The following SCML1 variants were observed in gnomAD, a reference collection of about 807,000 sequenced individuals.
The protein encoded by SCML1 is Scm polycomb group protein like 1, also known as sex comb on midleg-like protein 1.
For synonymous variants in SCML1, 104 were observed against 103.6 expected (o/e 1.00, Z -0.02); for missense variants, 137 against 258.1 (o/e 0.53, Z 3.22).
chrX:17,739,235 A>C (rs917984179), intron 1 of SCML1, among the ~76,000 whole-genome samples: 1 of 112,179 alleles, frequency 8.9e-6, no homozygotes, highest in Non-Finnish European at 1.9e-5. Context: ...ACTCATTTTT[A>C]CGGGATTTGA....
chrX:17,745,598 T>C, intron 3 of SCML1, 59 bp downstream of exon 3: 3 of 677,167 alleles, frequency 4.4e-6, no homozygotes, highest in South Asian at 5.3e-5. Flanking sequence ...GGAAAAGATG[T>C]AAATTCCTCG....
At position 17,750,261 on chromosome X, in the gene SCML1, C is replaced by T. The variant is rs770739655; in HGVS notation, c.671C>T (p.Ser224Leu). ...PRADSIHNTY[S>L]TDHASAAPPS... ...GCTGACAGCATCCACAACACTTACT[C>T]AACTGACCATGCTTCTGCAGCACCA... The change falls in exon 6 of 8, where the codon TCA becomes TTA. Residue 224 changes from serine (S) to leucine (L), a missense_variant. Transcript: ENST00000380041. 4 of 1,208,901 alleles carry T rather than the reference C, an allele frequency of 3.3e-6. No homozygotes were observed. The highest frequency in any genetic ancestry group is 4.5e-6 in the Non-Finnish European group (4 of 893,665).
chrX:17,746,286 T>C (rs2066641525), intron 4 of SCML1, among the ~76,000 whole-genome samples, 188 bp downstream of exon 4: 1 of 112,653 alleles, frequency 8.9e-6, no homozygotes, highest in African/African-American at 3.2e-5. Context: ...AATAGCAACA[T>C]GTAGATTTAA....
At chrX:17,742,133 T>G (rs1031457591) in intron 1 of SCML1, among the ~76,000 whole-genome samples, 2 of 108,712 alleles carry the variant, frequency 1.8e-5, no homozygotes, top group African/African-American at 7.0e-5. Context: ...ACCCAGAGAG[T>G]TTTTTTTATA....
At chrX:17,742,857 CTCTT>C (rs771012608) in intron 1 of SCML1, among the ~76,000 whole-genome samples, 83 of 112,237 alleles carry the variant, frequency 7.4e-4, no homozygotes, top group African/African-American at 2.6e-3. Context: ...TTTGGAAAGA[CTCTT>C]TCCACCACAG....
rs185974021 is a variant in SCML1, at chrX:17,753,744, G to A, written c.*352G>A. 1 of 111,452 alleles carries A rather than the reference G, an allele frequency of 9.0e-6. No individual in the cohort carries two copies. Among genetic ancestry groups the A allele is most frequent in the Admixed American group, 9.6e-5 (1 of 10,411 alleles). The allele number at this position is 111,452 out of a possible 1,213,427, so 9.2% of individuals were successfully genotyped here. On this transcript the variant is annotated 3_prime_UTR_variant, in exon 8 of 8. Transcript: ENST00000380041. The stretch of plus-strand genomic sequence containing the variant: ...ACAGAGAACCAAAACAGCTAAGAGA[G>A]GTATTATCAGGGTTGACAACTCCTA...
chrX:17,753,535 C>G lies in SCML1; in HGVS notation c.*143C>G. The G allele has an allele frequency of 2.5e-6, 1 of 399,012 alleles. No individual in the cohort carries two copies. Among genetic ancestry groups the G allele is most frequent in the Non-Finnish European group, 4.0e-6 (1 of 248,397 alleles). 32.9% of individuals were successfully genotyped at this position (399,012 alleles called of 1,213,427 possible). A position where few individuals can be genotyped will look rare whatever the true frequency, so the allele number is the denominator to read the frequency against. ...ATATATTATAGCTAGAATTGTAGAA[C>G]TATGTTATAGTCCAGTCTACTTCTT... On this transcript the variant is annotated 3_prime_UTR_variant, in exon 8 of 8. Coordinates refer to ENST00000380041, the MANE Select transcript of SCML1 (RefSeq NM_001037540.3).
chrX:17,749,235 G>A (rs984991619), intron 4 of SCML1, among the ~76,000 whole-genome samples, 165 bp from the exon 5 acceptor site: 5 of 112,295 alleles, frequency 4.5e-5, no homozygotes, highest in Non-Finnish European at 9.4e-5. Flanking sequence ...GTCACCTACA[G>A]CCAGGCCTTG....
At chrX:17,744,785 A>G (rs751151196) in intron 2 of SCML1, 2 of 112,163 alleles carry the variant, frequency 1.8e-5, no homozygotes, top group African/African-American at 6.5e-5. Flanking sequence ...TTTGAAAAGC[A>G]TAAGGCACTA....
intron 6 of SCML1, 66 bp from the exon 7 acceptor site, chrX:17,751,749 C>T (rs2066709525): frequency 3.6e-6 from 4 of 1,097,040 alleles, no homozygotes; most frequent in Middle Eastern, 5.0e-4. Flanking sequence ...AACATCTCTT[C>T]TTTCAGGATA....
rs1008067362 is a variant in SCML1 at position 17,753,606 on chromosome X, A to G, written c.*214A>G. ...AGATAGTATTAGAATAGTCCAATAG[A>G]AAATTCATTCTTTATAGGTCTTTAA... is the stretch of plus-strand genomic sequence containing the variant. On this transcript the variant is annotated 3_prime_UTR_variant, in exon 8 of 8. Coordinates refer to ENST00000380041, the MANE Select transcript of SCML1 (RefSeq NM_001037540.3). The G allele has an allele frequency of 4.4e-6, 1 of 228,613 alleles. No homozygotes were observed. Among genetic ancestry groups the G allele is most frequent in the African/African-American group, 2.9e-5 (1 of 34,628 alleles). 18.8% of individuals were successfully genotyped at this position (228,613 alleles called of 1,213,427 possible).
At chrX:17,739,237 G>C (rs2066570334) in intron 1 of SCML1, among the ~76,000 whole-genome samples, 1 of 111,941 alleles carries the variant, frequency 8.9e-6, no homozygotes, top group African/African-American at 3.3e-5. Context: ...TCATTTTTAC[G>C]GGATTTGAGA....
At chrX:17,742,898 A>G (rs1295633459) in intron 1 of SCML1, among the ~76,000 whole-genome samples, 1 of 112,053 alleles carries the variant, frequency 8.9e-6, no homozygotes, top group East Asian at 2.8e-4. Context: ...TTTGAGTTTA[A>G]TATCAATTGA....
At chrX:17,740,063 A>G (rs1311640595) in intron 1 of SCML1, among the ~76,000 whole-genome samples, 1 of 111,439 alleles carries the variant, frequency 9.0e-6, no homozygotes, top group Non-Finnish European at 1.9e-5. Context: ...TGGTGTGTCT[A>G]CTATGAACCA....
In SCML1 at chrX:17,746,110, C is replaced by G; in HGVS notation, c.198+12C>G. The G allele has an allele frequency of 9.5e-7, 1 of 1,057,132 alleles. No individual in the cohort carries two copies. Among genetic ancestry groups the G allele is most frequent in the African/African-American group, 1.8e-5 (1 of 54,454 alleles). 87.1% of individuals were successfully genotyped at this position (1,057,132 alleles called of 1,213,427 possible). A position where few individuals can be genotyped will look rare whatever the true frequency, so the allele number is the denominator to read the frequency against. The stretch of plus-strand genomic sequence containing the variant: ...TTATTCATTGCCAGGTATGGAAGTT[C>G]TGTCTCTTCAATGTAGTTTTCTAAA... On this transcript the variant is annotated intron_variant, in intron 4 of 7. Transcript: ENST00000380041.
intron 4 of SCML1, among the ~76,000 whole-genome samples, chrX:17,748,417 G>C (rs2066665208): frequency 9.0e-6 from 1 of 111,390 alleles, no homozygotes; most frequent in African/African-American, 3.3e-5. Context: ...TGTTGCCTAG[G>C]CTTGTCTCCA....
intron 4 of SCML1, 152 bp downstream of exon 4, chrX:17,746,250 A>G (rs2066641398): frequency 5.9e-6 from 2 of 340,869 alleles, no homozygotes; most frequent in Non-Finnish European, 1.0e-5. Context: ...TTTTAAAACA[A>G]TTTATAGTTA....
chrX:17,743,665 A>G (rs1424041176), intron 1 of SCML1, among the ~76,000 whole-genome samples: 2 of 111,604 alleles, frequency 1.8e-5, no homozygotes, highest in Non-Finnish European at 3.8e-5. Flanking sequence ...CGCCCAGCCC[A>G]CATAGTCGGG....
intron 4 of SCML1, among the ~76,000 whole-genome samples, chrX:17,748,400 T>C (rs1194081521): frequency 9.0e-6 from 1 of 111,290 alleles, no homozygotes; most frequent in Non-Finnish European, 1.9e-5. Flanking sequence ...AGACGGGGGT[T>C]TCGCCATGTT....
Sources: gnomAD v4.1 joint callset for allele counts (sites outside exome capture counted in the v4.1 genomes callset) on GRCh38, gnomAD v4.1.1 for gene constraint, MANE v1.5 for transcripts, NCBI Gene and HGNC (gene_info 2026-07-23, HGNC 2026-07-21) for gene names.